LY96: variants seen among roughly 807,000 people sequenced by gnomAD.
LY96 encodes myeloid differentiation protein-2.
In LY96, 18 loss-of-function variants were observed where a neutral mutation model predicts 18.9. That is an observed-to-expected ratio of 0.95 (90% CI 0.66 to 1.41). The LOEUF is 1.41. LY96 is among the 40% of genes most tolerant of loss of function. LY96 has a pLI of 0.00. For synonymous variants in LY96, 66 were observed against 62.6 expected, an observed-to-expected ratio of 1.06 and a Z score of -0.26; for missense variants, 175 against 182.4, an observed-to-expected ratio of 0.96 and a Z score of 0.23.
intron 1 of LY96, among the ~76,000 whole-genome samples, chr8:73,997,587 T>C (rs573593485): frequency 1.8e-4 from 28 of 152,322 alleles, no homozygotes; most frequent in African/African-American, 6.7e-4. Flanking sequence ...GAAGCAATAC[T>C]AAGACTACCT....
the LY96 span, among the ~76,000 whole-genome samples, chr8:74,099,086 A>T: frequency 6.6e-6 from 1 of 152,168 alleles, no homozygotes; most frequent in Non-Finnish European, 1.5e-5. Context: ...GGCTCTAAAT[A>T]ATCTTTTATG....
At position 74,001,959 on chromosome 8, in the gene LY96, CTT is replaced by C. The variant is rs1406963683; in HGVS notation, c.113-2836_113-2835del. On this transcript the variant is annotated intron_variant, in intron 1 of 4. Coordinates refer to ENST00000284818, the MANE Select transcript of LY96 (RefSeq NM_015364.5). ...CCAACCTTCCTTCCTTCCTTCCTTC[CTT>C]CCTTCCTTCCTTCCTTCCCTCCCTC... Among the ~76,000 whole-genome samples the C allele has an allele frequency of 5.2e-3, 745 of 143,124 alleles. 20 individuals carry two copies. The highest frequency in any genetic ancestry group is 0.018 in the African/African-American group (706 of 38,360). 93.9% of individuals were successfully genotyped at this position (143,124 alleles called of 152,430 possible).
At chr8:74,052,033 A>G in the LY96 span, among the ~76,000 whole-genome samples, 3 of 152,304 alleles carry the variant, frequency 2.0e-5, no homozygotes, top group South Asian at 6.2e-4. Context: ...TGTTTAGTGC[A>G]GCTGAAGGTG....
At position 73,994,741 on chromosome 8, in the gene LY96, C is replaced by T. The variant is rs570346058; in HGVS notation, c.112+3187C>T. 1.4e-4 allele frequency among the ~76,000 whole-genome samples: 21 copies of T among 152,326 alleles called. 1 individual carries two copies. The South Asian group carries it at 4.3e-3, about 32-fold the overall frequency. On this transcript the variant is annotated intron_variant, in intron 1 of 4. Coordinates refer to ENST00000284818, the MANE Select transcript of LY96 (RefSeq NM_015364.5). ...GTCTCAAGCAATCTTCCTGCCTCAG[C>T]TTCCCAAAGTGCTGGGATTACAGGC...
chr8:74,096,738 T>C, the LY96 span, among the ~76,000 whole-genome samples: 2 of 152,218 alleles, frequency 1.3e-5, no homozygotes, highest in African/African-American at 4.8e-5. Flanking sequence ...TGATGGTATA[T>C]GACACATAGC....
chr8:74,042,290 G>A, the LY96 span, among the ~76,000 whole-genome samples: 15 of 152,228 alleles, frequency 9.9e-5, no homozygotes, highest in Non-Finnish European at 2.1e-4. Flanking sequence ...GGTGGCTGAC[G>A]CAGGTGGATC....
At chr8:74,051,830 A>G in the LY96 span, among the ~76,000 whole-genome samples, 1 of 152,206 alleles carries the variant, frequency 6.6e-6, no homozygotes, top group Non-Finnish European at 1.5e-5. Flanking sequence ...GAATTGGGAG[A>G]AATAAATGTT....
the LY96 span, among the ~76,000 whole-genome samples, chr8:74,049,568 A>T: frequency 6.6e-6 from 1 of 152,192 alleles, no homozygotes; most frequent in South Asian, 2.1e-4. Flanking sequence ...AAATAAGTGC[A>T]AAAAGAAAAA....
the LY96 span, among the ~76,000 whole-genome samples, chr8:74,047,409 G>C: frequency 6.6e-6 from 1 of 152,212 alleles, no homozygotes; most frequent in African/African-American, 2.4e-5. Context: ...ATGGGTAGAC[G>C]TGGAGGCAGA....
the LY96 span, among the ~76,000 whole-genome samples, chr8:74,081,027 TTTC>T: frequency 1.5e-5 from 2 of 129,818 alleles, no homozygotes; most frequent in Non-Finnish European, 3.1e-5. Context: ...TCTTTCTTTC[TTTC>T]TTTCTTTCTT....
the LY96 span, among the ~76,000 whole-genome samples, chr8:74,067,800 G>A: frequency 4.0e-5 from 6 of 151,872 alleles, no homozygotes; most frequent in Non-Finnish European, 7.4e-5. Flanking sequence ...AGTGACTTAC[G>A]CCTATAATCC....
At chr8:74,054,056 C>G in the LY96 span, among the ~76,000 whole-genome samples, 3 of 152,144 alleles carry the variant, frequency 2.0e-5, no homozygotes, top group African/African-American at 7.2e-5. Flanking sequence ...TAGACAGGGT[C>G]TTGTTCTGTC....
At chr8:73,995,171 G>A (rs1472551407) in intron 1 of LY96, among the ~76,000 whole-genome samples, 1 of 152,126 alleles carries the variant, frequency 6.6e-6, no homozygotes, top group Non-Finnish European at 1.5e-5. Context: ...CTTCCACCAT[G>A]GGATGAGACA....
At chr8:73,992,486 C>G (rs1353523744) in intron 1 of LY96, among the ~76,000 whole-genome samples, 1 of 152,202 alleles carries the variant, frequency 6.6e-6, no homozygotes, top group Admixed American at 6.5e-5. Flanking sequence ...ATAAAGGCAC[C>G]TGTTTAACCA....
At chr8:74,096,935 A>G in the LY96 span, among the ~76,000 whole-genome samples, 9 of 152,114 alleles carry the variant, frequency 5.9e-5, no homozygotes, top group Non-Finnish European at 8.8e-5. Context: ...TTTCTGGGAG[A>G]GAGAAAAAGA....
At chr8:74,018,371 A>G (rs1816687799) in intron 3 of LY96, among the ~76,000 whole-genome samples, 1 of 152,240 alleles carries the variant, frequency 6.6e-6, no homozygotes, top group African/African-American at 2.4e-5. Context: ...AAGAAGAGCT[A>G]ACTATCCTAA....
At chr8:74,043,573 A>G in the LY96 span, among the ~76,000 whole-genome samples, 1 of 152,104 alleles carries the variant, frequency 6.6e-6, no homozygotes. Context: ...AGGTTGACAC[A>G]TGTGTATTTG....
chr8:73,997,619 G>A (rs1433846332), intron 1 of LY96, among the ~76,000 whole-genome samples: 4 of 152,216 alleles, frequency 2.6e-5, no homozygotes, highest in South Asian at 2.1e-4. Flanking sequence ...CTAATTAGGG[G>A]GTCCTTCCCA....
At chr8:74,005,351 T>C (rs961320988) in intron 2 of LY96, among the ~76,000 whole-genome samples, 5 of 152,196 alleles carry the variant, frequency 3.3e-5, no homozygotes, top group African/African-American at 1.2e-4. Context: ...AGCATAATCA[T>C]GGAAGTAACA....
Sources: gnomAD v4.1 joint callset for allele counts (sites outside exome capture counted in the v4.1 genomes callset) on GRCh38, gnomAD v4.1.1 for gene constraint, MANE v1.5 for transcripts, NCBI Gene and HGNC (gene_info 2026-07-23, HGNC 2026-07-21) for gene names.